SHOX: variants seen among roughly 807,000 people sequenced by gnomAD.
SHOX encodes the protein SHOX homeobox, also known as short stature homeobox protein.
SHOX carries 12 observed loss-of-function variants against 29.6 expected under a neutral mutation model. The observed-to-expected ratio is 0.41, with a 90% CI of 0.26 to 0.66. SHOX has a LOEUF of 0.66. SHOX is among the 30% of genes least tolerant of loss of function. The pLI is 0.35. For synonymous variants in SHOX, 214 were observed against 200.6 expected, an observed-to-expected ratio of 1.07 and a Z score of -0.57; for missense variants, 499 against 437.7, an observed-to-expected ratio of 1.14 and a Z score of -1.25.
rs912596660 is a variant in SHOX at position 650,325 on chromosome X, C to A, written c.*5689C>A. Among the ~76,000 whole-genome samples the A allele has an allele frequency of 7.2e-6, 1 of 139,284 alleles. No homozygotes were observed. The highest frequency in any genetic ancestry group is 1.6e-5 in the Non-Finnish European group (1 of 63,886). 91.4% of individuals were successfully genotyped at this position (139,284 alleles called of 152,430 possible). A position where few individuals can be genotyped will look rare whatever the true frequency, so the allele number is the denominator to read the frequency against. ...AAAGACGCCCTGTCGTAGGAATGGC[C>A]TCTCCATCCCGCCAAAGTCCAGCCA... On this transcript the variant is annotated 3_prime_UTR_variant, in exon 5 of 5. Coordinates refer to ENST00000686671, the MANE Select transcript of SHOX (RefSeq NM_000451.4).
Position 644,457 on chromosome X carries a change from G to A in SHOX, c.700G>A (p.Ala234Thr). The change falls in exon 5 of 5, where the codon GCG becomes ACG. Residue 234 changes from alanine to threonine, a missense_variant. Transcript: ENST00000686671. ...AHPHLHPHLAAHAPYLMFPPP... is the reference protein window; with the variant it reads ...AHPHLHPHLATHAPYLMFPPP... ...CCCGCACCTGCACCCGCACCTGGCG[G>A]CGCACGCGCCCTACCTGATGTTCCC... The A allele has an allele frequency of 6.6e-7, 1 of 1,522,900 alleles. No homozygotes were observed. The allele number at this position is 1,522,900 out of a possible 1,614,324, so 94.3% of individuals were successfully genotyped here.
intron 1 of SHOX, among the ~76,000 whole-genome samples, chrX:631,472 G>T (rs1367102887): frequency 3.9e-5 from 6 of 152,152 alleles, no homozygotes; most frequent in Non-Finnish European, 8.8e-5. Context: ...GGGTGGCTGT[G>T]CCTGAAGCCG....
rs772910213 is a variant in SHOX at position 630,843 on chromosome X, C to A, written c.-55C>A. The A allele has an allele frequency of 1.2e-6, 2 of 1,607,676 alleles. No homozygotes were observed. Among genetic ancestry groups the A allele is most frequent in the African/African-American group, 1.3e-5 (1 of 74,732 alleles). The stretch of plus-strand genomic sequence containing the variant: ...GCGCGCACGGGCCGTCCTCTCCGCG[C>A]GGGGAGACGCGCGCATCCACCAGCC... On this transcript the variant is annotated 5_prime_UTR_variant, in exon 1 of 5. Coordinates refer to ENST00000686671, the MANE Select transcript of SHOX (RefSeq NM_000451.4).
At chrX:625,052 T>TTCCCTCCCTCCC (rs1569491776) in intron 1 of SHOX, among the ~76,000 whole-genome samples, 1 of 64,126 alleles carries the variant, frequency 1.6e-5, no homozygotes, top group East Asian at 3.3e-4. Context: ...CCTCCCTCTG[T>TTCCCTCCCTCCC]TCCTTCCTCC....
upstream of SHOX, among the ~76,000 whole-genome samples, chrX:626,504 G>C (rs868640918): frequency 1.1e-5 from 1 of 93,548 alleles, no homozygotes; most frequent in African/African-American, 5.9e-5. Flanking sequence ...CTCTCTCTCT[G>C]TCTCTTTTTC....
At chrX:637,141 G>C (rs942182993) in intron 2 of SHOX, among the ~76,000 whole-genome samples, 3 of 151,886 alleles carry the variant, frequency 2.0e-5, no homozygotes, top group Non-Finnish European at 4.4e-5. Context: ...AGGAAGGACT[G>C]TGTCCCTCCT....
exon 6 of SHOX, chrX:659,031 C>G (rs1251177493): frequency 1.2e-5 from 2 of 162,628 alleles, no homozygotes; most frequent in African/African-American, 4.8e-5. Flanking sequence ...TCCCAAAGTG[C>G]TGGGATGACA....
downstream of SHOX, among the ~76,000 whole-genome samples, chrX:655,568 GTCTC>G (rs1228178183): frequency 1.7e-3 from 150 of 87,792 alleles, no homozygotes; most frequent in East Asian, 7.0e-3. Flanking sequence ...CTCTCTCTCT[GTCTC>G]TCTCTCTCTC....
rs190238476 is a variant in SHOX at position 658,493 on chromosome X, C to T, written c.634-292C>T. Among the ~76,000 whole-genome samples the T allele has an allele frequency of 8.5e-4, 119 of 140,580 alleles. No homozygotes were observed. The East Asian group carries it at 0.015, about 18-fold the overall frequency. 92.2% of individuals were successfully genotyped at this position (140,580 alleles called of 152,430 possible). A position where few individuals can be genotyped will look rare whatever the true frequency, so the allele number is the denominator to read the frequency against. ...ACTCTTTTTTTTTTTTTTTTTGAGA[C>T]GGAGTCTCGCTCTGTCACCCAGGCT... is the stretch of plus-strand genomic sequence containing the variant. On this transcript the variant is annotated intron_variant, in intron 5 of 5. Transcript: ENST00000334060.
At chrX:658,574 C>G (rs1183648020) in intron 5 of SHOX, among the ~76,000 whole-genome samples, 1 of 151,074 alleles carries the variant, frequency 6.6e-6, no homozygotes, top group African/African-American at 2.4e-5. Context: ...GGGTTCACGC[C>G]ATTCTCCTGC....
At chrX:632,128 C>T (rs748465626) in intron 1 of SHOX, 13 of 384,278 alleles carry the variant, frequency 3.4e-5, no homozygotes, top group African/African-American at 2.3e-4. Flanking sequence ...CTCCCGTGAG[C>T]GGAGGTGGCC....
intron 2 of SHOX, among the ~76,000 whole-genome samples, chrX:635,673 G>A (rs896415828): frequency 5.9e-5 from 9 of 152,330 alleles, no homozygotes; most frequent in East Asian, 1.9e-4. Flanking sequence ...GCAGAGGGAC[G>A]GGCGGGCAGA....
At chrX:632,244 G>A (rs1328166647) in intron 1 of SHOX, among the ~76,000 whole-genome samples, 11 of 152,072 alleles carry the variant, frequency 7.2e-5, no homozygotes, top group African/African-American at 2.4e-4. Context: ...GCCCGGGGGA[G>A]CTCCCCTCTG....
chrX:624,862 T>TTTTCTTTCTTTCTTTTCTTTC (rs1556451610), intron 1 of SHOX, among the ~76,000 whole-genome samples: 829 of 76,714 alleles, frequency 0.011, 7 homozygotes, highest in Admixed American at 0.015. Context: ...TCTTTCTTTC[T>TTTTCTTTCTTTCTTTTCTTTC]TTTCTTTCTT....
intron 5 of SHOX, among the ~76,000 whole-genome samples, chrX:658,086 T>G (rs2053172021): frequency 1.3e-5 from 2 of 152,052 alleles, no homozygotes; most frequent in Admixed American, 1.3e-4. Context: ...GCGATTCTCC[T>G]GCCTCAGCCT....
intron 4 of SHOX, among the ~76,000 whole-genome samples, chrX:643,097 T>C (rs769420923): frequency 0.078 from 10,074 of 128,834 alleles, 497 homozygotes; most frequent in South Asian, 0.16. Context: ...CCTGGTGTCC[T>C]GGGAGAGGCT....
Position 650,805 on chromosome X carries a change from A to C in SHOX, c.*6169A>C, listed in dbSNP as rs1400662211. Among the ~76,000 whole-genome samples, 13 of 146,112 alleles carry C rather than the reference A, an allele frequency of 8.9e-5. 1 individual carries two copies. Among genetic ancestry groups the C allele is most frequent in the Non-Finnish European group, 1.4e-4 (9 of 66,322 alleles). On this transcript the variant is annotated 3_prime_UTR_variant, in exon 5 of 5. Coordinates refer to ENST00000686671, the MANE Select transcript of SHOX (RefSeq NM_000451.4). Reference sequence around the variant, plus strand: ...CACGTTTGACATTAAAAAAAAAAAAAAAAAAAAAAAAAAACTGGTGCCTAA... The same window carrying C: ...CACGTTTGACATTAAAAAAAAAAAACAAAAAAAAAAAAAACTGGTGCCTAA...
At chrX:652,340 A>ATTTTTT (rs746162755), downstream of SHOX, among the ~76,000 whole-genome samples, 8 of 135,156 alleles carry the variant, frequency 5.9e-5, no homozygotes, top group African/African-American at 2.0e-4. Context: ...AAAATGACAA[A>ATTTTTT]TTTTTTTTTT....
At chrX:644,337 C>A (rs1461420333) in intron 4 of SHOX, 54 bp from the exon 5 acceptor site, 1 of 1,477,658 alleles carries the variant, frequency 6.8e-7, no homozygotes, top group Non-Finnish European at 8.9e-7. Context: ...CGGGGCGGAG[C>A]AGGCCCCCCA....
Sources: allele counts gnomAD v4.1 joint callset (sites outside exome capture counted in the v4.1 genomes callset), GRCh38; gene constraint gnomAD v4.1.1; transcripts MANE v1.5; gene names NCBI Gene and HGNC (gene_info 2026-07-23, HGNC 2026-07-21).